WDR27: variants seen among roughly 807,000 people sequenced by gnomAD.
WDR27 encodes the protein WD repeat-containing protein 27.
In WDR27, 100 loss-of-function variants were observed where a neutral mutation model predicts 114.4. The observed-to-expected ratio is 0.87, with a 90% CI of 0.74 to 1.03. WDR27 has a LOEUF of 1.03. Among genes scored for constraint, WDR27 ranks in the 50% least tolerant of loss-of-function variants. The pLI is 0.00. For synonymous variants in WDR27, 449 were observed against 423.1 expected, an observed-to-expected ratio of 1.06 and a Z score of -0.75; for missense variants, 1,129 against 1,092.9, an observed-to-expected ratio of 1.03 and a Z score of -0.47.
intron 25 of WDR27, among the ~76,000 whole-genome samples, chr6:169,545,314 A>G (rs1399567874): frequency 6.6e-6 from 1 of 152,252 alleles, no homozygotes; most frequent in Non-Finnish European, 1.5e-5. Flanking sequence ...AGAAAAACAC[A>G]TAAGAAAACA....
At chr6:169,480,975 T>G (rs111620796) in intron 25 of WDR27, among the ~76,000 whole-genome samples, 1,978 of 152,074 alleles carry the variant, frequency 0.013, 40 homozygotes, top group African/African-American at 0.041. Flanking sequence ...GCACTCTGTG[T>G]CTAGCTCACA....
At chr6:169,469,961 T>C (rs1005901502) in intron 25 of WDR27, among the ~76,000 whole-genome samples, 7 of 152,346 alleles carry the variant, frequency 4.6e-5, no homozygotes, top group Middle Eastern at 6.8e-3. Context: ...AGGCTAATAA[T>C]TTTCCAAATC....
At chr6:169,630,327 C>T (rs759160844) in intron 21 of WDR27, among the ~76,000 whole-genome samples, 12 of 152,108 alleles carry the variant, frequency 7.9e-5, no homozygotes, top group African/African-American at 1.4e-4. Context: ...GAATCGAATC[C>T]TTTGCTTTCT....
At chr6:169,649,307 A>C in intron 14 of WDR27, 32 bp from the exon 15 acceptor site, 1 of 1,512,634 alleles carries the variant, frequency 6.6e-7, no homozygotes, top group Non-Finnish European at 9.0e-7. Flanking sequence ...ATCACTCTCA[A>C]ATATTAAGAG....
At chr6:169,506,550 A>C (rs1792018048) in intron 25 of WDR27, among the ~76,000 whole-genome samples, 1 of 152,256 alleles carries the variant, frequency 6.6e-6, no homozygotes, top group African/African-American at 2.4e-5. Flanking sequence ...GAGTAAGGAG[A>C]GAAACATGGT....
chr6:169,636,544 G>A (rs764930775), intron 18 of WDR27, 40 bp from the exon 19 acceptor site: 28 of 1,552,144 alleles, frequency 1.8e-5, no homozygotes, highest in Non-Finnish European at 2.4e-5. Flanking sequence ...TATAATAAAT[G>A]TTAACAAAAA....
At chr6:169,523,518 A>G (rs1794625700) in intron 25 of WDR27, among the ~76,000 whole-genome samples, 1 of 152,142 alleles carries the variant, frequency 6.6e-6, no homozygotes, top group Non-Finnish European at 1.5e-5. Flanking sequence ...ATCCACGATG[A>G]ATATAGATGT....
chr6:169,520,353 T>C (rs1794218285), intron 25 of WDR27, among the ~76,000 whole-genome samples: 2 of 152,172 alleles, frequency 1.3e-5, no homozygotes, highest in Admixed American at 6.5e-5. Context: ...GGCAGCAACA[T>C]AGCAGATTGT....
chr6:169,434,569 T>C, the WDR27 span, among the ~76,000 whole-genome samples: 1 of 152,200 alleles, frequency 6.6e-6, no homozygotes. Flanking sequence ...AAAGTACTTT[T>C]TTTTTCTGAC....
downstream of WDR27, among the ~76,000 whole-genome samples, chr6:169,456,558 C>T (rs567329616): frequency 1.3e-5 from 2 of 152,246 alleles, no homozygotes; most frequent in South Asian, 2.1e-4. The surrounding 1 kb of genome is among the most constrained non-coding windows in gnomAD (Gnocchi z 4.0). Flanking sequence ...ATCTTATAAC[C>T]GTGGGGTCCT....
intron 16 of WDR27, among the ~76,000 whole-genome samples, chr6:169,645,200 G>A (rs964456498): frequency 6.5e-4 from 99 of 151,426 alleles, no homozygotes; most frequent in African/African-American, 2.4e-3. Context: ...CTAGTTCACA[G>A]GAGTCACACT....
At chr6:169,526,293 G>T (rs1430440281) in intron 25 of WDR27, among the ~76,000 whole-genome samples, 2 of 152,172 alleles carry the variant, frequency 1.3e-5, no homozygotes, top group Non-Finnish European at 2.9e-5. Flanking sequence ...GGCTTTAGCA[G>T]ATGATTCTTT....
intron 1 of WDR27, among the ~76,000 whole-genome samples, chr6:169,693,279 A>T (rs1278011841): frequency 6.6e-6 from 1 of 152,118 alleles, no homozygotes; most frequent in Admixed American, 6.6e-5. Context: ...GTCTTTTTAG[A>T]CAAATGCTGA....
chr6:169,444,164 A>C, the WDR27 span, among the ~76,000 whole-genome samples: 2 of 152,184 alleles, frequency 1.3e-5, no homozygotes, highest in Middle Eastern at 6.8e-3. Context: ...CCAGATCCCT[A>C]TTTGCCCATA....
chr6:169,598,618 G>A (rs545482161), intron 23 of WDR27, among the ~76,000 whole-genome samples: 8 of 152,306 alleles, frequency 5.3e-5, no homozygotes, highest in South Asian at 2.1e-4. Flanking sequence ...GAGAAAGAAC[G>A]GGGAAACGAG....
At chr6:169,480,991 C>G (rs1385037947) in intron 25 of WDR27, among the ~76,000 whole-genome samples, 1 of 141,596 alleles carries the variant, frequency 7.1e-6, no homozygotes, top group Non-Finnish European at 1.5e-5. Context: ...TCACAGATTG[C>G]AAATGCACCA....
intron 25 of WDR27, among the ~76,000 whole-genome samples, chr6:169,465,937 G>C (rs975775121): frequency 2.6e-5 from 4 of 152,176 alleles, no homozygotes; most frequent in Non-Finnish European, 1.5e-5. Context: ...TGTGGAGAGG[G>C]ATAGTGGTGG....
intron 25 of WDR27, among the ~76,000 whole-genome samples, chr6:169,533,346 C>T (rs1795833214): frequency 6.6e-6 from 1 of 152,058 alleles, no homozygotes; most frequent in Admixed American, 6.5e-5. Flanking sequence ...GGGTGCTAGA[C>T]AGAAATGAGT....
At chr6:169,636,995 G>A (rs538392263) in intron 18 of WDR27, among the ~76,000 whole-genome samples, 11 of 152,178 alleles carry the variant, frequency 7.2e-5, no homozygotes, top group Admixed American at 2.6e-4. Flanking sequence ...TGTCTTTCTC[G>A]TATTCAATCC....
Sources: gnomAD v4.1 joint callset for allele counts (sites outside exome capture counted in the v4.1 genomes callset) on GRCh38, gnomAD v4.1.1 for gene constraint, Gnocchi (gnomAD v3.1) non-coding constraint, MANE v1.5 for transcripts, NCBI Gene and HGNC (gene_info 2026-07-23, HGNC 2026-07-21) for gene names.